The following SNAP25 variants were observed in gnomAD, a reference collection of about 807,000 sequenced individuals.
The protein encoded by SNAP25 is synaptosomal-associated protein 25.
SNAP25 carries 3 observed loss-of-function variants against 28.7 expected under a neutral mutation model. The ratio of observed to expected loss-of-function variants is 0.10; its 90% CI spans 0.05 to 0.27. The LOEUF (loss-of-function observed/expected upper bound fraction) is 0.27, where lower values mean the gene tolerates loss of function less well. Among genes scored for constraint, SNAP25 ranks in the 10% least tolerant of loss-of-function variants. The pLI, the probability that SNAP25 is intolerant of heterozygous loss-of-function variation, is 1.00. For missense variants in SNAP25, 117 were observed against 278.7 expected (o/e 0.42, Z 4.13); for synonymous variants, 61 against 88.1 (o/e 0.69, Z 1.72).
chr20:10,273,220 T>C (rs1477195566), intron 1 of SNAP25, among the ~76,000 whole-genome samples: 2 of 152,120 alleles, frequency 1.3e-5, no homozygotes, highest in African/African-American at 4.8e-5. Context: ...ATAATAATAA[T>C]AATAAACATG....
chr20:10,295,557 A>G (rs555146187), intron 5 of SNAP25, among the ~76,000 whole-genome samples: 125 of 152,232 alleles, frequency 8.2e-4, no homozygotes, highest in African/African-American at 2.9e-3. Flanking sequence ...CTGAAATTCC[A>G]TTGGTACAAT....
At chr20:10,224,257 C>CTGTTTT (rs2062690204) in intron 1 of SNAP25, among the ~76,000 whole-genome samples, 1 of 17,420 alleles carries the variant, frequency 5.7e-5, no homozygotes. Flanking sequence ...ATGTACATGT[C>CTGTTTT]TTTTTTTTTT....
Position 10,293,245 on chromosome 20 carries a change from A to C in SNAP25, c.248A>C (p.Lys83Thr). The stretch of plus-strand genomic sequence containing the variant: ...GAAAAGAATTTGACGGACCTAGGAA[A>C]ATTCTGCGGGCTTTGTGTGTGTCCC... ...EAEKNLTDLGKFCGLCVCPCN... is the reference protein window; with the variant it reads ...EAEKNLTDLGTFCGLCVCPCN... The change falls in exon 5 of 8, where the codon AAA (lysine) becomes ACA (threonine). Residue 83 changes from lysine to threonine, a missense_variant. Lys to Thr is a moderately conservative substitution (Grantham distance 78). Coordinates refer to ENST00000254976, the MANE Select transcript of SNAP25 (RefSeq NM_130811.4). The surrounding 1 kb of genome is among the most constrained non-coding windows in gnomAD (Gnocchi z 5.6). 6.2e-7 allele frequency: 1 copy of C among 1,614,080 alleles called. No individual in the cohort carries two copies. The highest frequency in any genetic ancestry group is 8.5e-7 in the Non-Finnish European group (1 of 1,179,976).
intron 1 of SNAP25, among the ~76,000 whole-genome samples, chr20:10,222,446 T>C (rs1209830304): frequency 4.6e-5 from 7 of 152,264 alleles, no homozygotes; most frequent in African/African-American, 1.4e-4. Context: ...TCACAACATA[T>C]GCAGAATATC....
rs2122594198 is a variant in SNAP25, at chr20:10,221,842, C to T, written c.-64+2865C>T. On this transcript the variant is annotated intron_variant, in intron 1 of 7. Coordinates refer to ENST00000254976, the MANE Select transcript of SNAP25 (RefSeq NM_130811.4). ...AGCTGCGTAAGCAGTCAGCCTTCAG[C>T]ATAACACGTAGGTTTTGACGATTAG... Among the ~76,000 whole-genome samples, 3 of 152,300 alleles carry T rather than the reference C, an allele frequency of 2.0e-5. No homozygotes were observed. The East Asian group carries it at 5.8e-4, about 29-fold the overall frequency.
chr20:10,300,141 C>T (rs2064199739), intron 7 of SNAP25, among the ~76,000 whole-genome samples: 1 of 150,718 alleles, frequency 6.6e-6, no homozygotes, highest in African/African-American at 2.5e-5. Context: ...TAAGATCCAC[C>T]ATGTCAACGT....
intron 1 of SNAP25, among the ~76,000 whole-genome samples, chr20:10,250,778 G>A (rs775024498): frequency 6.6e-6 from 1 of 152,168 alleles, no homozygotes; most frequent in Non-Finnish European, 1.5e-5. Context: ...GGTCCCATAA[G>A]ATAAGAATAC....
At chr20:10,282,146 GGGAAGGAAGGAAGGAT>G (rs56878880) in intron 3 of SNAP25, among the ~76,000 whole-genome samples, 7,875 of 126,350 alleles carry the variant, frequency 0.062, 537 homozygotes, top group African/African-American at 0.13. Context: ...GAAGGAAGGA[GGGAAGGAAGGAAGGAT>G]GGAAGGAAGG....
At chr20:10,230,807 A>C (rs1038257216) in intron 1 of SNAP25, among the ~76,000 whole-genome samples, 1 of 152,126 alleles carries the variant, frequency 6.6e-6, no homozygotes, top group African/African-American at 2.4e-5. Context: ...AGAAATCTCC[A>C]TTTACCCTCT....
chr20:10,262,755 A>C (rs529595330), intron 1 of SNAP25, among the ~76,000 whole-genome samples: 1 of 152,320 alleles, frequency 6.6e-6, no homozygotes, highest in Admixed American at 6.5e-5. Flanking sequence ...AGCCAAGCCA[A>C]GGAGCCCTTG....
chr20:10,272,904 C>T (rs2063622074), intron 1 of SNAP25, among the ~76,000 whole-genome samples: 1 of 152,032 alleles, frequency 6.6e-6, no homozygotes, highest in African/African-American at 2.4e-5. Flanking sequence ...CCTGTTATCT[C>T]CAAAGAAGTT....
intron 3 of SNAP25, among the ~76,000 whole-genome samples, chr20:10,283,787 A>G (rs573789531): frequency 1.3e-5 from 2 of 152,270 alleles, no homozygotes; most frequent in South Asian, 4.2e-4. Flanking sequence ...CAATTCATCC[A>G]AACTATAAGC....
intron 1 of SNAP25, among the ~76,000 whole-genome samples, chr20:10,245,343 C>T (rs534404837): frequency 1.3e-5 from 2 of 152,226 alleles, no homozygotes; most frequent in South Asian, 4.1e-4. Context: ...CTTTCAATAA[C>T]TGGAACTGAT....
chr20:10,236,899 A>C (rs2062932162), intron 1 of SNAP25, among the ~76,000 whole-genome samples: 1 of 152,028 alleles, frequency 6.6e-6, no homozygotes, highest in African/African-American at 2.4e-5. Flanking sequence ...GGCCCTGGGC[A>C]GAACTGTCTG....
intron 2 of SNAP25, among the ~76,000 whole-genome samples, 172 bp from the exon 3 acceptor site, chr20:10,277,513 G>A (rs1363029239): frequency 7.9e-5 from 12 of 152,206 alleles, no homozygotes; most frequent in Non-Finnish European, 8.8e-5. Flanking sequence ...TAAAAAGCCT[G>A]ATAGGAAAGA....
At chr20:10,233,326 G>A (rs1313478392) in intron 1 of SNAP25, among the ~76,000 whole-genome samples, 1 of 149,110 alleles carries the variant, frequency 6.7e-6, no homozygotes, top group Non-Finnish European at 1.5e-5. Context: ...TTCCAGACCT[G>A]CTTAGGCCAC....
intron 5 of SNAP25, 144 bp from the exon 6 acceptor site, chr20:10,296,781 C>G: frequency 8.0e-7 from 1 of 1,242,832 alleles, no homozygotes; most frequent in Non-Finnish European, 1.1e-6. Context: ...CTGTTTGGGT[C>G]TGGATTATGA....
Position 10,265,442 on chromosome 20 carries a change from C to T in SNAP25, c.-63-9987C>T, listed in dbSNP as rs561070428. 1.1e-4 allele frequency among the ~76,000 whole-genome samples: 17 copies of T among 152,318 alleles called. 1 individual carries two copies. In the South Asian group the frequency reaches 3.1e-3, roughly 28 times the overall value. The stretch of plus-strand genomic sequence containing the variant: ...AGCACCATCCACAGAGTCTCCAATG[C>T]ACAAAATCCTCAGTCTCTTCTTCCT... On this transcript the variant is annotated intron_variant, in intron 1 of 7. Transcript: ENST00000254976.
At chr20:10,297,761 T>C (rs1011603993) in intron 6 of SNAP25, among the ~76,000 whole-genome samples, 3 of 152,170 alleles carry the variant, frequency 2.0e-5, no homozygotes, top group Non-Finnish European at 4.4e-5. Flanking sequence ...TCATTGGCCA[T>C]TAGCCAAAGC....
Sources: allele counts gnomAD v4.1 joint callset (sites outside exome capture counted in the v4.1 genomes callset), GRCh38; gene constraint gnomAD v4.1.1; non-coding constraint Gnocchi (gnomAD v3.1); transcripts MANE v1.5; gene names NCBI Gene and HGNC (gene_info 2026-07-23, HGNC 2026-07-21).